AGPAT4: variants seen among roughly 807,000 people sequenced by gnomAD.
AGPAT4 encodes 1-acyl-sn-glycerol-3-phosphate acyltransferase delta.
In AGPAT4, 15 loss-of-function variants were observed where a neutral mutation model predicts 48.0. That is an observed-to-expected ratio of 0.31 (90% confidence interval 0.21 to 0.48). The LOEUF (loss-of-function observed/expected upper bound fraction) is 0.48. Ranked by LOEUF, AGPAT4 falls within the 20% of genes least tolerant of loss-of-function variation. The pLI is 0.99. For missense variants in AGPAT4, 314 were observed against 482.5 expected (o/e 0.65, Z 3.27); for synonymous variants, 178 against 198.7 (o/e 0.90, Z 0.88).
At chr6:161,203,175 T>C (rs887311960) in intron 2 of AGPAT4, among the ~76,000 whole-genome samples, 1 of 152,180 alleles carries the variant, frequency 6.6e-6, no homozygotes, top group African/African-American at 2.4e-5. Flanking sequence ...TCCTGCATTA[T>C]CATTGTCTGT....
rs1779690135 is a variant in AGPAT4 at position 161,154,093 on chromosome 6, C to T, written c.510+56G>A. The T allele has an allele frequency of 1.9e-6, 3 of 1,611,330 alleles. No individual in the cohort carries two copies. Among genetic ancestry groups the T allele is most frequent in the Admixed American group, 1.7e-5 (1 of 59,984 alleles). On this transcript the variant is annotated intron_variant, in intron 4 of 8. Coordinates refer to ENST00000320285, the MANE Select transcript of AGPAT4 (RefSeq NM_020133.3). This position sits in a 1 kb window ranked among gnomAD's most constrained non-coding sequence, Gnocchi z 7.8. ...TCCTGTGGAAGTCACATGGGGGTCC[C>T]ACGGTCACAGTCCTGCAGGAGCCCT...
At chr6:161,256,934 G>A (rs1302370898) in intron 1 of AGPAT4, among the ~76,000 whole-genome samples, 1 of 152,200 alleles carries the variant, frequency 6.6e-6, no homozygotes, top group Non-Finnish European at 1.5e-5. Context: ...CCAAAAGTCA[G>A]CCTTTGGCAT....
At position 161,232,131 on chromosome 6, in the gene AGPAT4, A is replaced by G; in HGVS notation, c.83T>C (p.Ile28Thr). Residue 28 changes from isoleucine to threonine, a missense_variant, in exon 2 of 9, where the codon ATC becomes ACC. Transcript: ENST00000320285. This position sits in a 1 kb window ranked among gnomAD's most constrained non-coding sequence, Gnocchi z 6.8. ...GAGAGTGAAGAGCTGAATGGTGTTG[A>G]TGATTAGCCCTGAGGCAATAAAGAC... is the stretch of plus-strand genomic sequence containing the variant. ...CYVFIASGLI[I>T]NTIQLFTLLL... 6.2e-7 allele frequency: 1 copy of G among 1,614,212 alleles called. No homozygotes were observed. The highest frequency in any genetic ancestry group is 1.1e-5 in the South Asian group (1 of 91,086).
In AGPAT4 at chr6:161,130,897, C is replaced by G. The variant is rs749664737; in HGVS notation, c.*5643G>C. On this transcript the variant is annotated 3_prime_UTR_variant, in exon 9 of 9. Coordinates refer to ENST00000320285, the MANE Select transcript of AGPAT4 (RefSeq NM_020133.3). ...GCAAAGATACAGAGAGAATGGCATT[C>G]CAAAATTCCATGGATGACTTTTCTG... The G allele has an allele frequency of 1.4e-4, 71 of 518,870 alleles. 1 individual carries two copies. Among genetic ancestry groups the G allele is most frequent in the South Asian group, 9.6e-4 (69 of 71,588 alleles). The allele number at this position is 518,870 out of a possible 1,614,324, so 32.1% of individuals were successfully genotyped here.
rs994324745 is a variant in AGPAT4 at position 161,143,241 on chromosome 6, T to C, written c.843+3283A>G. On this transcript the variant is annotated intron_variant, in intron 7 of 8. Transcript: ENST00000320285. The surrounding 1 kb of genome is among the most constrained non-coding windows in gnomAD (Gnocchi z 4.7). Reference sequence around the variant, plus strand: ...GTGTGTACCGCTAGGTGCAGCTAGTTTGTAAAATTTTTTTGTAGAGACGGG... The same window carrying C: ...GTGTGTACCGCTAGGTGCAGCTAGTCTGTAAAATTTTTTTGTAGAGACGGG... 2.6e-5 allele frequency among the ~76,000 whole-genome samples: 4 copies of C among 152,118 alleles called. No individual in the cohort carries two copies. Among genetic ancestry groups the C allele is most frequent in the African/African-American group, 9.7e-5 (4 of 41,414 alleles).
chr6:161,151,310 G>GC (rs1409759160), intron 5 of AGPAT4, among the ~76,000 whole-genome samples: 1 of 152,254 alleles, frequency 6.6e-6, no homozygotes, highest in Admixed American at 6.5e-5. Flanking sequence ...TGTGCACAGT[G>GC]CGTACAGGGC....
At chr6:161,145,528 G>A (rs1429808649) in intron 7 of AGPAT4, among the ~76,000 whole-genome samples, 1 of 151,588 alleles carries the variant, frequency 6.6e-6, no homozygotes, top group Non-Finnish European at 1.5e-5. Context: ...TAAAGGTGAT[G>A]GCAAGTCTTT....
rs774352154 is a variant in AGPAT4 at position 161,235,433 on chromosome 6, G to A, written c.-89-3131C>T. Among the ~76,000 whole-genome samples, 3 of 152,212 alleles carry A rather than the reference G, an allele frequency of 2.0e-5. No individual in the cohort carries two copies. The highest frequency in any genetic ancestry group is 4.4e-5 in the Non-Finnish European group (3 of 68,044). On this transcript the variant is annotated intron_variant, in intron 1 of 8. Coordinates refer to ENST00000320285, the MANE Select transcript of AGPAT4 (RefSeq NM_020133.3). The surrounding 1 kb of genome is among the most constrained non-coding windows in gnomAD (Gnocchi z 6.2). The stretch of plus-strand genomic sequence containing the variant: ...GCTGATGATTAAAAGAAACGTGGCT[G>A]AATTATGTAGGGGTGTGTCTGGAGG...
intron 1 of AGPAT4, among the ~76,000 whole-genome samples, chr6:161,247,686 A>G (rs1202975473): frequency 2.0e-5 from 3 of 152,166 alleles, no homozygotes; most frequent in African/African-American, 4.8e-5. Context: ...TATTCAACAT[A>G]GTATTAGAAG....
rs1781588926 is a variant in AGPAT4 at position 161,214,337 on chromosome 6, C to A, written c.178+17699G>T. Among the ~76,000 whole-genome samples, 1 of 152,200 alleles carries A rather than the reference C, an allele frequency of 6.6e-6. No individual in the cohort carries two copies. Among genetic ancestry groups the A allele is most frequent in the South Asian group, 2.1e-4 (1 of 4,828 alleles). ...ACATCCTCAACCTTGACAAAATAAA[C>A]TTTCTAAATTTACTGAGGCCTGTCT... On this transcript the variant is annotated intron_variant, in intron 2 of 8. Transcript: ENST00000320285. The surrounding 1 kb of genome is among the most constrained non-coding windows in gnomAD (Gnocchi z 5.4).
At chr6:161,248,767 T>C (rs1782733209) in intron 1 of AGPAT4, among the ~76,000 whole-genome samples, 2 of 152,144 alleles carry the variant, frequency 1.3e-5, no homozygotes, top group South Asian at 4.1e-4. Context: ...ACAGATTCAA[T>C]GCTATTCCTA....
In AGPAT4 at chr6:161,153,360, C is replaced by T; in HGVS notation, c.650G>A (p.Ser217Asn). 1.9e-6 allele frequency: 3 copies of T among 1,608,886 alleles called. No homozygotes were observed. The highest frequency in any genetic ancestry group is 2.5e-6 in the Non-Finnish European group (3 of 1,177,534). ...CTCTTCCTTACCTACATTTCTCAAG[C>T]TCCTCACGGTGATGGCGAAGCCCTT... The part of the protein sequence containing the change: ...RTKGFAITVR[S>N]LRNVVSAVYD... Residue 217 changes from serine (S) to asparagine (N), a missense_variant, in exon 5 of 9, where the codon AGC becomes AAC. Coordinates refer to ENST00000320285, the MANE Select transcript of AGPAT4 (RefSeq NM_020133.3).
intron 1 of AGPAT4, among the ~76,000 whole-genome samples, chr6:161,252,144 A>G (rs1034896539): frequency 2.6e-5 from 4 of 152,194 alleles, no homozygotes; most frequent in Non-Finnish European, 5.9e-5. Context: ...CGAGGCCTCT[A>G]GAGGCCCCGA....
At chr6:161,210,586 G>A (rs1178033787) in intron 2 of AGPAT4, among the ~76,000 whole-genome samples, 1 of 152,090 alleles carries the variant, frequency 6.6e-6, no homozygotes, top group African/African-American at 2.4e-5. Context: ...GAAAAAGGAA[G>A]AGACTAGTCA....
At chr6:161,247,160 C>A (rs181775065) in intron 1 of AGPAT4, among the ~76,000 whole-genome samples, 4 of 152,320 alleles carry the variant, frequency 2.6e-5, no homozygotes, top group African/African-American at 9.6e-5. Flanking sequence ...AGGAGGAACT[C>A]AGATGTCGGT....
At position 161,154,054 on chromosome 6, in the gene AGPAT4, C is replaced by T; in HGVS notation, c.510+95G>A. ...ACACAGCCCTGGAGTCGCACAGGAC[C>T]ACACAGTCACGTGTCCTGTGGAAGT... On this transcript the variant is annotated intron_variant, in intron 4 of 8. Transcript: ENST00000320285. This position sits in a 1 kb window ranked among gnomAD's most constrained non-coding sequence, Gnocchi z 7.8. The T allele has an allele frequency of 2.6e-6, 4 of 1,514,392 alleles. No homozygotes were observed. The African/African-American group carries it at 5.5e-5, about 21-fold the overall frequency. The allele number at this position is 1,514,392 out of a possible 1,614,324, so 93.8% of individuals were successfully genotyped here. A position where few individuals can be genotyped will look rare whatever the true frequency, so the allele number is the denominator to read the frequency against.
chr6:161,209,168 G>A (rs921440514), intron 2 of AGPAT4, among the ~76,000 whole-genome samples: 1 of 152,172 alleles, frequency 6.6e-6, no homozygotes. Flanking sequence ...TGAGTGACAT[G>A]AGTTCCCCCA....
intron 2 of AGPAT4, among the ~76,000 whole-genome samples, chr6:161,213,545 T>C (rs1039800426): frequency 2.0e-5 from 3 of 152,206 alleles, no homozygotes; most frequent in African/African-American, 4.8e-5. Flanking sequence ...TTTTTCCTAA[T>C]TTGGAGTCAC....
intron 4 of AGPAT4, 165 bp downstream of exon 4, chr6:161,153,984 C>A: frequency 1.1e-6 from 1 of 919,036 alleles, no homozygotes; most frequent in East Asian, 2.7e-5. Context: ...CACACGGCCC[C>A]ATGGTCACAT....
Sources: allele counts gnomAD v4.1 joint callset (sites outside exome capture counted in the v4.1 genomes callset), GRCh38; gene constraint gnomAD v4.1.1; non-coding constraint Gnocchi (gnomAD v3.1); transcripts MANE v1.5; gene names NCBI Gene and HGNC (gene_info 2026-07-23, HGNC 2026-07-21).